Variants in PNLDC1 observed in about 807,000 individuals in gnomAD.
PNLDC1 encodes poly(A)-specific ribonuclease PNLDC1.
Under a neutral mutation model 82.0 loss-of-function variants are expected in PNLDC1, and 70 were observed. That is an observed-to-expected ratio of 0.85 (90% CI 0.70 to 1.04). The LOEUF (loss-of-function observed/expected upper bound fraction) is 1.04, where lower values mean the gene tolerates loss of function less well. Ranked by LOEUF, PNLDC1 falls within the 50% of genes least tolerant of loss-of-function variation. PNLDC1 has a pLI of 0.00. For missense variants in PNLDC1, 631 were observed against 661.1 expected, an observed-to-expected ratio of 0.95 and a Z score of 0.50; for synonymous variants, 280 against 249.3, an observed-to-expected ratio of 1.12 and a Z score of -1.16.
intron 5 of PNLDC1, 50 bp from the exon 6 acceptor site, chr6:159,804,499 C>G (rs1781377221): frequency 8.0e-7 from 1 of 1,244,594 alleles, no homozygotes; most frequent in African/African-American, 1.5e-5. Flanking sequence ...CACAGAGGAT[C>G]CCTCTGACTT....
At chr6:159,818,456 G>A in intron 15 of PNLDC1, 99 bp from the exon 16 acceptor site, 2 of 1,077,428 alleles carry the variant, frequency 1.9e-6, no homozygotes, top group South Asian at 2.6e-5. Context: ...GCCGTCCGAG[G>A]GAGTGTCCTT....
At chr6:159,815,803 G>A (rs1391696773) in intron 12 of PNLDC1, among the ~76,000 whole-genome samples, 166 bp from the exon 13 acceptor site, 3 of 151,994 alleles carry the variant, frequency 2.0e-5, no homozygotes, top group Non-Finnish European at 2.9e-5. Flanking sequence ...CCCCTTTCCT[G>A]TTGCCCAGTT....
At chr6:159,805,794 A>T in intron 6 of PNLDC1, 189 bp from the exon 7 acceptor site, 1 of 584,348 alleles carries the variant, frequency 1.7e-6, no homozygotes, top group Non-Finnish European at 3.1e-6. Flanking sequence ...GTTGTGGGCT[A>T]TTCTTCCAAT....
At chr6:159,817,181 TC>T in intron 15 of PNLDC1, 30 bp downstream of exon 15, 1 of 1,593,642 alleles carries the variant, frequency 6.3e-7, no homozygotes, top group Non-Finnish European at 8.6e-7. Flanking sequence ...ATCCTACTGT[TC>T]AATCGGTGGT....
chr6:159,817,278 G>T, intron 15 of PNLDC1, 127 bp downstream of exon 15: 1 of 912,092 alleles, frequency 1.1e-6, no homozygotes. Flanking sequence ...GGTGTCACTG[G>T]TATAGAAATC....
chr6:159,819,269 G>A lies in PNLDC1; in HGVS notation c.1449G>A (p.Leu483=), dbSNP rs771059666. The change falls in exon 18 of 19, where the codon CTG becomes CTA. Residue 483 remains leucine (L), a synonymous_variant. Transcript: ENST00000392167. The surrounding 1 kb of genome is among the most constrained non-coding windows in gnomAD (Gnocchi z 4.6). ...GTTTTGGCAGTGCGCGGAACATCCT[G>A]AAGGAGTACCGGGACCACCCGACCC... The part of the protein sequence containing the change: ...TNKFKDARNI[L]KEYRDHPTLC... 6.2e-7 allele frequency: 1 copy of A among 1,613,876 alleles called. No individual in the cohort carries two copies. The highest frequency in any genetic ancestry group is 1.1e-5 in the South Asian group (1 of 91,072).
chr6:159,806,008 G>A lies in PNLDC1; in HGVS notation c.487G>A (p.Val163Met), dbSNP rs375887428. Residue 163 changes from valine (V) to methionine (M), a missense_variant, in exon 7 of 19, where the codon GTG (valine) becomes ATG (methionine). Coordinates refer to ENST00000392167, the MANE Select transcript of PNLDC1 (RefSeq NM_001271862.2). ...RSSPDKDQIK[V>M]VIDEVTRWLE... ...CTCTCCGGATAAAGACCAAATCAAG[G>A]TGGTGATTGACGAAGTGACGCGGTG... 2.5e-6 allele frequency: 4 copies of A among 1,614,164 alleles called. No individual in the cohort carries two copies. In the Admixed American group the frequency reaches 5.0e-5, roughly 20 times the overall value.
rs778477115 is a variant in PNLDC1, at chr6:159,801,064, C to T, written c.135-49C>T. 5.6e-6 allele frequency: 9 copies of T among 1,596,830 alleles called. No individual in the cohort carries two copies. The Admixed American group carries it at 6.7e-5, about 12-fold the overall frequency. ...GGTCCTGCCGCGGAGGCCATAGTGC[C>T]GGGATGGGATGTCATTGCTCGTGGA... On this transcript the variant is annotated intron_variant, in intron 2 of 18. Transcript: ENST00000392167.
At chr6:159,816,474 G>T (rs916383722) in intron 13 of PNLDC1, 69 bp from the exon 14 acceptor site, 11 of 1,422,586 alleles carry the variant, frequency 7.7e-6, no homozygotes, top group Non-Finnish European at 1.1e-5. Context: ...ACTGTGGATG[G>T]TGAGCTAGGA....
rs1235823940 is a variant in PNLDC1, at chr6:159,818,576, A to G, written c.1179A>G (p.Ser393=). ...KIYHIDPVPE[S]SFPQYLDVLA... is the part of the protein sequence containing the mutation. ...GCAGCATCGACCCCGTGCCCGAGTC[A>G]TCCTTTCCTCAGTACCTTGACGTGC... Residue 393 remains serine, a synonymous_variant, in exon 16 of 19, where the codon TCA becomes TCG. Transcript: ENST00000392167. The G allele has an allele frequency of 6.2e-7, 1 of 1,613,690 alleles. No individual in the cohort carries two copies. Among genetic ancestry groups the G allele is most frequent in the East Asian group, 2.2e-5 (1 of 44,886 alleles).
intron 7 of PNLDC1, among the ~76,000 whole-genome samples, chr6:159,807,942 CTT>C (rs1781508269): frequency 6.7e-6 from 1 of 148,516 alleles, no homozygotes; most frequent in Non-Finnish European, 1.5e-5. Flanking sequence ...GAGAAGGAGT[CTT>C]ACTCTGTTGC....
At chr6:159,804,129 GT>G (rs772464999) in intron 5 of PNLDC1, 41 bp downstream of exon 5, 3 of 1,604,466 alleles carry the variant, frequency 1.9e-6, no homozygotes, top group Admixed American at 3.4e-5. Flanking sequence ...TCTTTTGTTT[GT>G]TTCTGAGATG....
At position 159,819,615 on chromosome 6, in the gene PNLDC1, G is replaced by A. The variant is rs954665159; in HGVS notation, c.1532+263G>A. On this transcript the variant is annotated intron_variant, in intron 18 of 18. Transcript: ENST00000392167. This position sits in a 1 kb window ranked among gnomAD's most constrained non-coding sequence, Gnocchi z 4.6. ...TGCTCTCGTGGAGCTCACGTGCTGGGGGAGACAAACAGGATAAACAAATGG... is the reference window on the plus strand; with the variant it reads ...TGCTCTCGTGGAGCTCACGTGCTGGAGGAGACAAACAGGATAAACAAATGG... Among the ~76,000 whole-genome samples, 8 of 152,256 alleles carry A rather than the reference G, an allele frequency of 5.3e-5. No individual in the cohort carries two copies. The highest frequency in any genetic ancestry group is 1.3e-4 in the Admixed American group (2 of 15,284).
intron 1 of PNLDC1, 78 bp from the exon 2 acceptor site, chr6:159,800,694 C>T: frequency 6.2e-7 from 1 of 1,614,040 alleles, no homozygotes; most frequent in Non-Finnish European, 8.5e-7. Flanking sequence ...GGTGCCTTGG[C>T]CGCCTGCAGA....
chr6:159,813,738 G>A (rs1467162156), intron 12 of PNLDC1, 82 bp downstream of exon 12: 7 of 1,268,340 alleles, frequency 5.5e-6, no homozygotes, highest in Non-Finnish European at 5.8e-6. Context: ...GGCTCTCTAG[G>A]CGTGCCCACC....
chr6:159,816,445 G>A, intron 13 of PNLDC1, 98 bp from the exon 14 acceptor site: 3 of 1,075,080 alleles, frequency 2.8e-6, no homozygotes, highest in Non-Finnish European at 1.4e-6. Context: ...GACCATGGGA[G>A]GTTGTATGAG....
At chr6:159,807,604 C>T (rs759884954) in intron 7 of PNLDC1, among the ~76,000 whole-genome samples, 1 of 152,160 alleles carries the variant, frequency 6.6e-6, no homozygotes, top group African/African-American at 2.4e-5. Flanking sequence ...AATGTGCAAA[C>T]ATTTGGGAGA....
At chr6:159,807,549 C>A (rs1265238576) in intron 7 of PNLDC1, among the ~76,000 whole-genome samples, 1 of 152,206 alleles carries the variant, frequency 6.6e-6, no homozygotes, top group Admixed American at 6.5e-5. Flanking sequence ...CTGATGAGAT[C>A]AGTGATCATA....
At chr6:159,800,451 G>T (rs1781200089) in intron 1 of PNLDC1, 68 bp downstream of exon 1, 1 of 1,493,338 alleles carries the variant, frequency 6.7e-7, no homozygotes, top group Non-Finnish European at 9.0e-7. Context: ...TGAGGAGGGG[G>T]TGGCGGGACG....
Sources: allele counts gnomAD v4.1 joint callset (sites outside exome capture counted in the v4.1 genomes callset), GRCh38; gene constraint gnomAD v4.1.1; non-coding constraint Gnocchi (gnomAD v3.1); transcripts MANE v1.5; gene names NCBI Gene and HGNC (gene_info 2026-07-23, HGNC 2026-07-21).